Variants in BTBD9 observed in about 807,000 individuals in gnomAD.
BTBD9 encodes BTB/POZ domain-containing protein 9.
In BTBD9, 49 loss-of-function variants were observed where a neutral mutation model predicts 64.3. That is an observed-to-expected ratio of 0.76 (90% CI 0.61 to 0.97). BTBD9 has a LOEUF of 0.97. Among genes scored for constraint, BTBD9 ranks in the 50% least tolerant of loss-of-function variants. The probability of loss-of-function intolerance (pLI) is 0.00; values close to 1 mark genes in which losing one functional copy is unlikely to be tolerated. For synonymous variants in BTBD9, 260 were observed against 274.7 expected, an observed-to-expected ratio of 0.95 and a Z score of 0.53; for missense variants, 598 against 762.1, an observed-to-expected ratio of 0.78 and a Z score of 2.53.
intron 6 of BTBD9, among the ~76,000 whole-genome samples, chr6:38,537,171 T>C (rs1185764512): frequency 1.3e-5 from 2 of 152,196 alleles, no homozygotes; most frequent in Non-Finnish European, 2.9e-5. Flanking sequence ...TGTAGAATTG[T>C]TGCACTGTTT....
At chr6:38,535,341 G>T (rs545079694) in intron 6 of BTBD9, among the ~76,000 whole-genome samples, 1 of 152,042 alleles carries the variant, frequency 6.6e-6, no homozygotes, top group Admixed American at 6.6e-5. Flanking sequence ...AAACATTGAT[G>T]CAAGAAATTG....
At chr6:38,191,729 G>GT (rs2127484892) in intron 10 of BTBD9, among the ~76,000 whole-genome samples, 1 of 152,360 alleles carries the variant, frequency 6.6e-6, no homozygotes, top group South Asian at 2.1e-4. Flanking sequence ...CAGGGAGCGG[G>GT]TGGCTGAGAG....
chr6:38,510,417 C>T (rs1370798924), intron 6 of BTBD9, among the ~76,000 whole-genome samples: 2 of 152,082 alleles, frequency 1.3e-5, no homozygotes, highest in Non-Finnish European at 2.9e-5. Flanking sequence ...GGTGAGTCAG[C>T]GAGTGAGTGG....
intron 7 of BTBD9, among the ~76,000 whole-genome samples, chr6:38,334,641 TAATAA>T (rs202189516): frequency 0.036 from 5,155 of 144,110 alleles, 164 homozygotes; most frequent in East Asian, 0.11. Flanking sequence ...ATAAATAAAA[TAATAA>T]AATAAAATAA....
chr6:38,292,691 T>A (rs562893927), intron 7 of BTBD9, among the ~76,000 whole-genome samples: 5 of 152,186 alleles, frequency 3.3e-5, no homozygotes, highest in Non-Finnish European at 7.3e-5. Flanking sequence ...TTATTGTGTC[T>A]ATTTGATTCT....
chr6:38,610,588 A>C (rs186561717), intron 1 of BTBD9, among the ~76,000 whole-genome samples: 130 of 152,296 alleles, frequency 8.5e-4, no homozygotes, highest in African/African-American at 3.0e-3. Flanking sequence ...CAATGTCTTC[A>C]TAGGAACAAA....
intron 7 of BTBD9, among the ~76,000 whole-genome samples, chr6:38,332,551 T>C (rs1032437872): frequency 2.0e-5 from 3 of 152,342 alleles, no homozygotes; most frequent in African/African-American, 7.2e-5. Flanking sequence ...GCAGCACTAA[T>C]TTTAACACCT....
intron 7 of BTBD9, among the ~76,000 whole-genome samples, chr6:38,307,503 C>T (rs572319360): frequency 6.6e-6 from 1 of 152,364 alleles, no homozygotes; most frequent in South Asian, 2.1e-4. Flanking sequence ...TCTGAACACA[C>T]TTCCAGAGAA....
intron 4 of BTBD9, among the ~76,000 whole-genome samples, chr6:38,585,152 C>T (rs1046222711): frequency 2.6e-5 from 4 of 151,614 alleles, no homozygotes; most frequent in Non-Finnish European, 5.9e-5. Context: ...GCATGTGTAC[C>T]GACACTACAC....
chr6:38,306,395 G>A (rs756100928), intron 7 of BTBD9, among the ~76,000 whole-genome samples: 2 of 152,206 alleles, frequency 1.3e-5, no homozygotes, highest in Non-Finnish European at 2.9e-5. Flanking sequence ...AGGAGCAAAA[G>A]GCAAAGGTGA....
At chr6:38,183,914 C>G (rs915080920) in intron 10 of BTBD9, among the ~76,000 whole-genome samples, 5 of 152,188 alleles carry the variant, frequency 3.3e-5, no homozygotes, top group African/African-American at 9.7e-5. Flanking sequence ...GTGTGCCAGG[C>G]ACTGGGCTGG....
chr6:38,326,451 G>A (rs185994360), intron 7 of BTBD9, among the ~76,000 whole-genome samples: 1 of 152,192 alleles, frequency 6.6e-6, no homozygotes, highest in Middle Eastern at 3.4e-3. Context: ...GACAACGCTG[G>A]GGGGAGCGTG....
At chr6:38,530,611 C>T (rs1773757728) in intron 6 of BTBD9, among the ~76,000 whole-genome samples, 1 of 97,084 alleles carries the variant, frequency 1.0e-5, no homozygotes, top group South Asian at 2.8e-4. Context: ...GGGTGGGTTC[C>T]CCCAATACTC....
At chr6:38,311,993 C>T (rs765160224) in intron 7 of BTBD9, among the ~76,000 whole-genome samples, 5 of 152,136 alleles carry the variant, frequency 3.3e-5, no homozygotes, top group Non-Finnish European at 1.5e-5. Flanking sequence ...TCCTGAGTAG[C>T]TGGGACTACA....
chr6:38,334,712 G>GAC (rs1763826538), intron 7 of BTBD9, among the ~76,000 whole-genome samples: 1 of 151,456 alleles, frequency 6.6e-6, no homozygotes, highest in Non-Finnish European at 1.5e-5. Flanking sequence ...CATTTACCTA[G>GAC]ACACACACAT....
At chr6:38,551,633 A>G (rs1774805590) in intron 6 of BTBD9, among the ~76,000 whole-genome samples, 1 of 152,248 alleles carries the variant, frequency 6.6e-6, no homozygotes, top group Non-Finnish European at 1.5e-5. Flanking sequence ...CTAATAAAGG[A>G]AAGCCAAATT....
chr6:38,603,923 C>G (rs924426208), intron 1 of BTBD9, among the ~76,000 whole-genome samples: 5 of 152,150 alleles, frequency 3.3e-5, no homozygotes, highest in Non-Finnish European at 7.4e-5. Context: ...AAGTTAATAT[C>G]GCTTGGGGAG....
chr6:38,621,379 T>TA (rs1307336963), intron 1 of BTBD9, among the ~76,000 whole-genome samples: 4 of 152,166 alleles, frequency 2.6e-5, no homozygotes, highest in Non-Finnish European at 4.4e-5. Flanking sequence ...AGCCCAGACT[T>TA]ATGCCGCCTG....
intron 7 of BTBD9, among the ~76,000 whole-genome samples, chr6:38,334,415 C>G (rs1010042206): frequency 6.6e-6 from 1 of 152,008 alleles, no homozygotes; most frequent in Non-Finnish European, 1.5e-5. Context: ...CAAAAATTAG[C>G]CAGGCGTGGT....
Sources: gnomAD v4.1 joint callset for allele counts (sites outside exome capture counted in the v4.1 genomes callset) on GRCh38, gnomAD v4.1.1 for gene constraint, MANE v1.5 for transcripts, NCBI Gene and HGNC (gene_info 2026-07-23, HGNC 2026-07-21) for gene names.